MTUS2: variants seen among roughly 807,000 people sequenced by gnomAD.
The protein encoded by MTUS2 is microtubule-associated tumor suppressor candidate 2.
Under a neutral mutation model 114.1 loss-of-function variants are expected in MTUS2, and 40 were observed. The ratio of observed to expected loss-of-function variants is 0.35; its 90% CI spans 0.27 to 0.46. The LOEUF is 0.46. Ranked by LOEUF, MTUS2 falls within the 20% of genes least tolerant of loss-of-function variation. The pLI is 1.00. For missense variants in MTUS2, 1,679 were observed against 1,705.4 expected, an observed-to-expected ratio of 0.98 and a Z score of 0.27; for synonymous variants, 688 against 672.0, an observed-to-expected ratio of 1.02 and a Z score of -0.37.
chr13:29,495,103 GA>G (rs2138994834), intron 12 of MTUS2, among the ~76,000 whole-genome samples: 1 of 143,950 alleles, frequency 6.9e-6, no homozygotes, highest in South Asian at 2.2e-4. Flanking sequence ...AGAATCGCTT[GA>G]ACCCCGGAGG....
intron 2 of MTUS2, among the ~76,000 whole-genome samples, chr13:28,902,079 A>AT (rs1324468359): frequency 6.6e-6 from 1 of 152,004 alleles, no homozygotes; most frequent in Non-Finnish European, 1.5e-5. Context: ...TAAGTATTTC[A>AT]TTTTTTGTGG....
At chr13:29,362,679 T>G (rs1870368567) in intron 8 of MTUS2, among the ~76,000 whole-genome samples, 1 of 152,108 alleles carries the variant, frequency 6.6e-6, no homozygotes, top group Non-Finnish European at 1.5e-5. Context: ...AGAGGGAGAC[T>G]CCATCTCAAA....
At chr13:29,315,449 C>G (rs372367112) in intron 6 of MTUS2, among the ~76,000 whole-genome samples, 2 of 152,122 alleles carry the variant, frequency 1.3e-5, no homozygotes, top group African/African-American at 4.8e-5. Context: ...TGTACAATTA[C>G]TATGTGCCAA....
At chr13:29,313,760 C>T (rs1429465491) in intron 6 of MTUS2, among the ~76,000 whole-genome samples, 2 of 152,078 alleles carry the variant, frequency 1.3e-5, no homozygotes, top group African/African-American at 4.8e-5. Flanking sequence ...GACACATCAG[C>T]ATGAAATTTT....
Position 29,324,602 on chromosome 13 carries a change from A to C in MTUS2, c.2807-11A>C, listed in dbSNP as rs781757198. 6.4e-7 allele frequency: 1 copy of C among 1,558,498 alleles called. No individual in the cohort carries two copies. Among genetic ancestry groups the C allele is most frequent in the South Asian group, 1.2e-5 (1 of 84,956 alleles). On this transcript the variant is annotated splice_polypyrimidine_tract_variant and intron_variant, in intron 6 of 15. Coordinates refer to ENST00000612955, the MANE Select transcript of MTUS2 (RefSeq NM_001033602.4). ...ACTTTCTACCTATTTCTCTTTTCCA[A>C]CTATACACAGGAACAAAGAAAGATG...
At chr13:28,849,350 A>C (rs1413943906) in intron 2 of MTUS2, among the ~76,000 whole-genome samples, 2 of 152,242 alleles carry the variant, frequency 1.3e-5, no homozygotes, top group Non-Finnish European at 2.9e-5. Context: ...ATAGAAAGTT[A>C]TCAACTCTAG....
chr13:29,194,283 A>G (rs1894576677), intron 5 of MTUS2, among the ~76,000 whole-genome samples: 1 of 152,234 alleles, frequency 6.6e-6, no homozygotes, highest in Non-Finnish European at 1.5e-5. Flanking sequence ...ACAGCAAAAG[A>G]AACTACCATC....
chr13:29,047,489 G>A (rs1299283638), intron 4 of MTUS2, among the ~76,000 whole-genome samples: 4 of 150,390 alleles, frequency 2.7e-5, no homozygotes, highest in Non-Finnish European at 4.4e-5. Context: ...TTGAGCTATA[G>A]TTCACATACC....
intron 5 of MTUS2, among the ~76,000 whole-genome samples, chr13:29,221,014 T>C (rs1593184200): frequency 6.6e-6 from 1 of 152,232 alleles, no homozygotes; most frequent in East Asian, 1.9e-4. Context: ...TTTCCAACAA[T>C]AGAGGTGTGA....
At chr13:29,082,125 A>G (rs1889471148) in intron 4 of MTUS2, among the ~76,000 whole-genome samples, 1 of 152,220 alleles carries the variant, frequency 6.6e-6, no homozygotes, top group Admixed American at 6.5e-5. Context: ...TGGGAGTACA[A>G]GAAGAAACAC....
rs761152997 is a variant in MTUS2 at position 29,395,679 on chromosome 13, G to T, written c.3117+36206G>T. Among the ~76,000 whole-genome samples the T allele has an allele frequency of 2.6e-5, 4 of 152,292 alleles. No homozygotes were observed. The South Asian group carries it at 6.2e-4, about 24-fold the overall frequency. On this transcript the variant is annotated intron_variant, in intron 8 of 15. Coordinates refer to ENST00000612955, the MANE Select transcript of MTUS2 (RefSeq NM_001033602.4). ...TCCATATTTATAATCAGTCCACTAG[G>T]CTTTGCTGGACTGCAACTTAACAAA...
chr13:28,820,947 A>T (rs1010983501), intron 1 of MTUS2, among the ~76,000 whole-genome samples: 14 of 151,956 alleles, frequency 9.2e-5, no homozygotes, highest in Non-Finnish European at 2.1e-4. Flanking sequence ...ATTTAGTATG[A>T]GTGTGTTATT....
chr13:29,269,591 AC>A (rs1321064990), intron 5 of MTUS2, among the ~76,000 whole-genome samples: 1 of 152,160 alleles, frequency 6.6e-6, no homozygotes, highest in African/African-American at 2.4e-5. Flanking sequence ...AGAAATAGGA[AC>A]CTTTGTATAC....
At chr13:29,381,703 G>A (rs539899249) in intron 8 of MTUS2, among the ~76,000 whole-genome samples, 3 of 152,220 alleles carry the variant, frequency 2.0e-5, no homozygotes, top group South Asian at 2.1e-4. Flanking sequence ...CCTCCCAGTC[G>A]TTTAGGTTTG....
intron 5 of MTUS2, among the ~76,000 whole-genome samples, chr13:29,201,373 C>T (rs1319375980): frequency 6.6e-6 from 1 of 151,644 alleles, no homozygotes; most frequent in African/African-American, 2.4e-5. Flanking sequence ...GTAAAAATTC[C>T]TCAATTTTTT....
At chr13:29,274,052 G>A (rs1349277203) in intron 5 of MTUS2, among the ~76,000 whole-genome samples, 1 of 152,102 alleles carries the variant, frequency 6.6e-6, no homozygotes, top group Admixed American at 6.5e-5. Flanking sequence ...GAACAGAACT[G>A]GTAAATCACA....
rs147536350 is a variant in MTUS2 at position 29,454,093 on chromosome 13, G to T, written c.3184+14044G>T. Among the ~76,000 whole-genome samples, 692 of 152,024 alleles carry T rather than the reference G, an allele frequency of 4.6e-3. 5 individuals are homozygous for T. Among genetic ancestry groups the T allele is most frequent in the African/African-American group, 0.016 (661 of 41,464 alleles). On this transcript the variant is annotated intron_variant, in intron 9 of 15. Coordinates refer to ENST00000612955, the MANE Select transcript of MTUS2 (RefSeq NM_001033602.4). ...ATAAGAATTGCACTTTTTCTTTTTC[G>T]GTCAAAGGACGTCAATCTGTTGAAC...
intron 2 of MTUS2, among the ~76,000 whole-genome samples, chr13:28,900,175 A>G (rs1879556950): frequency 1.3e-5 from 2 of 152,248 alleles, no homozygotes; most frequent in South Asian, 4.1e-4. Context: ...GGCGTGAGCC[A>G]TTGCGTGCAG....
At chr13:29,227,276 AG>A in intron 5 of MTUS2, among the ~76,000 whole-genome samples, 2 of 149,830 alleles carry the variant, frequency 1.3e-5, no homozygotes, top group Admixed American at 6.7e-5. Context: ...AAAAAAAAAA[AG>A]AAACTGCGTA....
Sources: allele counts gnomAD v4.1 joint callset (sites outside exome capture counted in the v4.1 genomes callset), GRCh38; gene constraint gnomAD v4.1.1; transcripts MANE v1.5; gene names NCBI Gene and HGNC (gene_info 2026-07-23, HGNC 2026-07-21).